Variants in ADK observed in about 807,000 individuals in gnomAD.
The protein encoded by ADK is adenosine kinase, also known as N6,N6-dimethyladenosine kinase.
Under a neutral mutation model 44.7 loss-of-function variants are expected in ADK, and 24 were observed. The ratio of observed to expected loss-of-function variants is 0.54; its 90% CI spans 0.39 to 0.76. The LOEUF is 0.76. Among genes scored for constraint, ADK ranks in the 30% least tolerant of loss-of-function variants. The pLI is 0.00. For missense variants in ADK, 321 were observed against 425.1 expected, an observed-to-expected ratio of 0.76 and a Z score of 2.15; for synonymous variants, 128 against 142.6, an observed-to-expected ratio of 0.90 and a Z score of 0.73.
At chr10:74,553,914 A>G (rs1231108220) in intron 7 of ADK, among the ~76,000 whole-genome samples, 2 of 152,220 alleles carry the variant, frequency 1.3e-5, no homozygotes, top group Non-Finnish European at 1.5e-5. Flanking sequence ...TAAATCCTAC[A>G]TCTCTATTTT....
chr10:74,457,975 C>G (rs780405936), intron 6 of ADK, among the ~76,000 whole-genome samples: 45 of 151,818 alleles, frequency 3.0e-4, no homozygotes, highest in Non-Finnish European at 5.4e-4. Context: ...ATGTAACAAA[C>G]CTGCGTGTTC....
intron 4 of ADK, chr10:74,372,011 T>G (rs1842675840): frequency 6.4e-6 from 5 of 778,348 alleles, no homozygotes; most frequent in Non-Finnish European, 1.2e-5. Flanking sequence ...TTGTGGACAT[T>G]GCCATTCTAT....
chr10:74,462,173 A>G (rs1846193113), intron 6 of ADK, among the ~76,000 whole-genome samples: 1 of 152,112 alleles, frequency 6.6e-6, no homozygotes, highest in African/African-American at 2.4e-5. Flanking sequence ...AGCAGCAGTA[A>G]ATTTAAAACA....
chr10:74,309,625 G>A (rs1480080995), intron 3 of ADK, among the ~76,000 whole-genome samples: 1 of 152,132 alleles, frequency 6.6e-6, no homozygotes, highest in African/African-American at 2.4e-5. Context: ...GGAGAGCAGA[G>A]GTAGCAGGGA....
chr10:74,582,316 A>AT (rs1015589278), intron 7 of ADK, among the ~76,000 whole-genome samples: 14 of 152,120 alleles, frequency 9.2e-5, no homozygotes, highest in African/African-American at 2.9e-4. Flanking sequence ...ATCTCAAAAA[A>AT]AAAATAAAAA....
intron 10 of ADK, among the ~76,000 whole-genome samples, chr10:74,686,250 TGC>T (rs1285944937): frequency 6.6e-6 from 1 of 151,978 alleles, no homozygotes; most frequent in Non-Finnish European, 1.5e-5. Flanking sequence ...TGTGAACCAC[TGC>T]ACCTGGCCCC....
chr10:74,484,685 T>C (rs1483682313), intron 6 of ADK, among the ~76,000 whole-genome samples: 1 of 152,156 alleles, frequency 6.6e-6, no homozygotes, highest in Non-Finnish European at 1.5e-5. Flanking sequence ...CTACCATATA[T>C]CTGAACATTC....
intron 4 of ADK, among the ~76,000 whole-genome samples, chr10:74,360,374 A>G (rs1199629644): frequency 6.6e-6 from 1 of 152,186 alleles, no homozygotes; most frequent in Non-Finnish European, 1.5e-5. Context: ...TAGCAGTTGG[A>G]TGAAATGTTC....
chr10:74,455,969 T>C (rs1385733395), intron 6 of ADK, among the ~76,000 whole-genome samples: 1 of 152,152 alleles, frequency 6.6e-6, no homozygotes, highest in East Asian at 1.9e-4. Flanking sequence ...ATCTGACGAT[T>C]ACATTGTGTC....
chr10:74,488,793 A>T (rs1473392484), intron 6 of ADK, among the ~76,000 whole-genome samples: 1 of 151,850 alleles, frequency 6.6e-6, no homozygotes, highest in Admixed American at 6.6e-5. Context: ...ACAGCTATAT[A>T]TTGAACATTT....
At chr10:74,483,323 A>G (rs558032323) in intron 6 of ADK, among the ~76,000 whole-genome samples, 4 of 152,280 alleles carry the variant, frequency 2.6e-5, no homozygotes, top group African/African-American at 9.6e-5. Flanking sequence ...CGCAGGGAGC[A>G]GTATCAAGGT....
chr10:74,497,192 C>G (rs964647171), intron 6 of ADK, among the ~76,000 whole-genome samples: 1 of 152,218 alleles, frequency 6.6e-6, no homozygotes, highest in Non-Finnish European at 1.5e-5. Flanking sequence ...TTGTACATTA[C>G]TCTCCACATG....
At chr10:74,340,790 C>T (rs147281879) in intron 4 of ADK, among the ~76,000 whole-genome samples, 1 of 152,198 alleles carries the variant, frequency 6.6e-6, no homozygotes, top group African/African-American at 2.4e-5. Context: ...TAGCATGCTG[C>T]ATATTACCAA....
rs117030819 is a variant in ADK at position 74,326,501 on chromosome 10, C to A, written c.273+11756C>A. ...GTAGTCTGAGCTACTTGGGAGGCCT[C>A]TTGGGAGGCTGAGGCAGGAGGATTG... On this transcript the variant is annotated intron_variant, in intron 4 of 10. Coordinates refer to ENST00000539909, the MANE Select transcript of ADK (RefSeq NM_006721.4). 9.2e-5 allele frequency among the ~76,000 whole-genome samples: 14 copies of A among 151,358 alleles called. No individual in the cohort carries two copies. In the East Asian group the frequency reaches 2.7e-3, roughly 30 times the overall value.
intron 1 of ADK, among the ~76,000 whole-genome samples, chr10:74,171,990 CAT>C (rs1291265116): frequency 9.9e-5 from 15 of 152,276 alleles, no homozygotes; most frequent in East Asian, 1.9e-4. Context: ...TGAAAGATCA[CAT>C]GAGTCCTCTT....
intron 1 of ADK, among the ~76,000 whole-genome samples, chr10:74,194,309 A>G (rs545040335): frequency 6.6e-6 from 1 of 152,352 alleles, no homozygotes; most frequent in East Asian, 1.9e-4. Context: ...GTGAGAGGTA[A>G]GGTTAAAGAA....
intron 8 of ADK, among the ~76,000 whole-genome samples, chr10:74,595,924 G>A (rs1851907277): frequency 6.8e-6 from 1 of 148,130 alleles, no homozygotes; most frequent in African/African-American, 2.5e-5. Flanking sequence ...TTGAACCCAG[G>A]AGGCAGAGGT....
At chr10:74,529,743 A>G (rs933337299) in intron 7 of ADK, among the ~76,000 whole-genome samples, 22 of 152,162 alleles carry the variant, frequency 1.4e-4, no homozygotes, top group Non-Finnish European at 2.8e-4. Context: ...AGGTATTTAT[A>G]TAGTACCTAA....
intron 6 of ADK, among the ~76,000 whole-genome samples, chr10:74,513,952 C>A (rs952604648): frequency 1.3e-5 from 2 of 152,118 alleles, no homozygotes; most frequent in Admixed American, 1.3e-4. Context: ...TATTGTTTTT[C>A]ATTTCCACAT....
Sources: allele counts gnomAD v4.1 joint callset (sites outside exome capture counted in the v4.1 genomes callset), GRCh38; gene constraint gnomAD v4.1.1; transcripts MANE v1.5; gene names NCBI Gene and HGNC (gene_info 2026-07-23, HGNC 2026-07-21).